Variants in CTNNA2 observed in about 807,000 individuals in gnomAD.
CTNNA2 encodes the protein catenin alpha-2.
In CTNNA2, 42 loss-of-function variants were observed where a neutral mutation model predicts 101.0. The ratio of observed to expected loss-of-function variants is 0.42; its 90% confidence interval spans 0.32 to 0.54. The LOEUF (loss-of-function observed/expected upper bound fraction) is 0.54. CTNNA2 is among the 20% of genes least tolerant of loss of function. CTNNA2 has a pLI of 0.14. For missense variants in CTNNA2, 871 were observed against 1,223.1 expected, an observed-to-expected ratio of 0.71 and a Z score of 4.29; for synonymous variants, 450 against 456.4, an observed-to-expected ratio of 0.99 and a Z score of 0.18.
intron 9 of CTNNA2, among the ~76,000 whole-genome samples, chr2:80,431,029 G>A (rs1049467763): frequency 5.9e-5 from 9 of 152,112 alleles, no homozygotes; most frequent in Middle Eastern, 3.2e-3. Context: ...AGAGCAAGAA[G>A]TGTTTTAATT....
intron 7 of CTNNA2, among the ~76,000 whole-genome samples, chr2:79,931,133 C>T (rs1687410936): frequency 6.6e-6 from 1 of 152,100 alleles, no homozygotes. Flanking sequence ...TTAAACTCTG[C>T]AATATGCATT....
intron 3 of CTNNA2, among the ~76,000 whole-genome samples, chr2:79,361,377 A>C (rs530404144): frequency 6.6e-6 from 1 of 152,314 alleles, no homozygotes; most frequent in East Asian, 1.9e-4. Flanking sequence ...TTTGGCAGAA[A>C]AAAAAGGTGA....
intron 1 of CTNNA2, among the ~76,000 whole-genome samples, chr2:79,640,903 A>T (rs962451186): frequency 1.3e-5 from 2 of 152,174 alleles, no homozygotes; most frequent in East Asian, 3.9e-4. Flanking sequence ...GTTAAGAAAA[A>T]TGTTAAGATC....
intron 7 of CTNNA2, among the ~76,000 whole-genome samples, chr2:80,167,549 G>GA (rs1394706962): frequency 6.6e-6 from 1 of 152,146 alleles, no homozygotes; most frequent in African/African-American, 2.4e-5. Context: ...TAAATACAGT[G>GA]AAAATATGGA....
chr2:79,342,697 G>A (rs1441415394), intron 3 of CTNNA2, among the ~76,000 whole-genome samples: 3 of 152,234 alleles, frequency 2.0e-5, no homozygotes, highest in East Asian at 1.9e-4. Context: ...GTTTATAGTC[G>A]TTCTGGTGCT....
intron 15 of CTNNA2, among the ~76,000 whole-genome samples, chr2:80,590,175 C>G (rs1230687042): frequency 6.6e-6 from 1 of 152,144 alleles, no homozygotes; most frequent in African/African-American, 2.4e-5. Flanking sequence ...GCATTTTGGT[C>G]TCTTCTTTAA....
chr2:79,681,574 GTTA>G (rs1235502833), intron 2 of CTNNA2, among the ~76,000 whole-genome samples: 1 of 152,226 alleles, frequency 6.6e-6, no homozygotes, highest in African/African-American at 2.4e-5. Flanking sequence ...GTCCACAAGT[GTTA>G]TTAGTGCATT....
chr2:80,153,694 G>A (rs1429027195), intron 7 of CTNNA2, among the ~76,000 whole-genome samples: 1 of 152,162 alleles, frequency 6.6e-6, no homozygotes, highest in African/African-American at 2.4e-5. Flanking sequence ...GGAGCATGGA[G>A]AATGATATAG....
At chr2:79,713,218 A>T (rs1383141080) in intron 2 of CTNNA2, among the ~76,000 whole-genome samples, 1 of 152,222 alleles carries the variant, frequency 6.6e-6, no homozygotes, top group Non-Finnish European at 1.5e-5. Flanking sequence ...TCTCTTTAAC[A>T]ATCTGAGATA....
intron 1 of CTNNA2, among the ~76,000 whole-genome samples, chr2:79,555,068 G>A (rs545365142): frequency 6.6e-6 from 1 of 152,330 alleles, no homozygotes; most frequent in African/African-American, 2.4e-5. Context: ...ATTAGGAGCA[G>A]ATTTCACAGT....
At chr2:79,188,684 G>A (rs539876119) in intron 1 of CTNNA2, among the ~76,000 whole-genome samples, 1 of 152,272 alleles carries the variant, frequency 6.6e-6, no homozygotes, top group South Asian at 2.1e-4. Context: ...TCACATAGGT[G>A]GAAAGGAAGA....
chr2:79,787,205 G>T (rs2105231119), intron 3 of CTNNA2, among the ~76,000 whole-genome samples: 1 of 152,072 alleles, frequency 6.6e-6, no homozygotes, highest in African/African-American at 2.4e-5. Flanking sequence ...TTATATTATT[G>T]CACACTGTAT....
chr2:79,536,304 G>T (rs1673057711), intron 1 of CTNNA2, among the ~76,000 whole-genome samples: 1 of 152,102 alleles, frequency 6.6e-6, no homozygotes, highest in Admixed American at 6.5e-5. Context: ...TTCTATTAAG[G>T]TGCAAGCTGT....
rs1229933953 is a variant in CTNNA2, at chr2:79,245,304, G to T, written c.-406+47228G>T. On this transcript the variant is annotated intron_variant, in intron 2 of 21. Transcript: ENST00000466387. ...TTCTCTACAAGAAATACAAAAATTA[G>T]CCAGGCATGATGGTGCAAGCTTGTA... Among the ~76,000 whole-genome samples the T allele has an allele frequency of 3.3e-5, 5 of 152,058 alleles. No individual in the cohort carries two copies. The East Asian group carries it at 9.6e-4, about 29-fold the overall frequency.
chr2:79,282,185 T>G (rs1675406558), intron 2 of CTNNA2, among the ~76,000 whole-genome samples: 1 of 152,106 alleles, frequency 6.6e-6, no homozygotes, highest in Non-Finnish European at 1.5e-5. Flanking sequence ...TTAGAAATAT[T>G]AAGTGGAACT....
chr2:79,479,865 G>A (rs1050747404), intron 4 of CTNNA2, among the ~76,000 whole-genome samples: 6 of 152,066 alleles, frequency 3.9e-5, no homozygotes, highest in Non-Finnish European at 2.9e-5. Flanking sequence ...GGAGGTCGCA[G>A]TGAGCTGAGA....
chr2:80,217,553 T>A (rs1708343061), intron 7 of CTNNA2, among the ~76,000 whole-genome samples: 1 of 152,128 alleles, frequency 6.6e-6, no homozygotes, highest in Non-Finnish European at 1.5e-5. Context: ...TTTCAAGAAA[T>A]GTTACTTCCT....
intron 3 of CTNNA2, among the ~76,000 whole-genome samples, chr2:79,758,135 A>C (rs920348092): frequency 6.6e-6 from 1 of 152,202 alleles, no homozygotes; most frequent in Non-Finnish European, 1.5e-5. Flanking sequence ...TCCTTAAACA[A>C]AATGTTTGAT....
chr2:80,484,559 G>A (rs1027733105), intron 9 of CTNNA2, among the ~76,000 whole-genome samples: 3 of 152,144 alleles, frequency 2.0e-5, no homozygotes, highest in African/African-American at 7.2e-5. Flanking sequence ...TGAATGGGAG[G>A]GAGAAGGGGA....
Sources: allele counts gnomAD v4.1 joint callset (sites outside exome capture counted in the v4.1 genomes callset), GRCh38; gene constraint gnomAD v4.1.1; transcripts MANE v1.5; gene names NCBI Gene and HGNC (gene_info 2026-07-23, HGNC 2026-07-21).